ZNF804B: variants seen among roughly 807,000 people sequenced by gnomAD.
ZNF804B encodes the protein zinc finger 804B.
In ZNF804B, 80 loss-of-function variants were observed where a neutral mutation model predicts 101.4. That is an observed-to-expected ratio of 0.79 (90% CI 0.66 to 0.95). ZNF804B has a LOEUF of 0.95. ZNF804B is among the 40% of genes least tolerant of loss of function. The probability of loss-of-function intolerance (pLI) is 0.00; values close to 1 mark genes in which losing one functional copy is unlikely to be tolerated. For synonymous variants in ZNF804B, 622 were observed against 558.8 expected, an observed-to-expected ratio of 1.11 and a Z score of -1.59; for missense variants, 1,673 against 1,561.9, an observed-to-expected ratio of 1.07 and a Z score of -1.20.
rs139369278 is a variant in ZNF804B at position 89,152,812 on chromosome 7, C to T, written c.109-65343C>T. ...TGCAAATTGACATCTTTGTGCATAA[C>T]CTGCGCATATGCTGGGCTGATGTTC... On this transcript the variant is annotated intron_variant, in intron 1 of 3. Transcript: ENST00000333190. 2.6e-3 allele frequency among the ~76,000 whole-genome samples: 399 copies of T among 152,062 alleles called. 2 individuals carry two copies. The highest frequency in any genetic ancestry group is 9.2e-3 in the African/African-American group (380 of 41,492).
intron 1 of ZNF804B, among the ~76,000 whole-genome samples, chr7:88,768,588 C>A (rs71572429): frequency 3.3e-5 from 5 of 151,980 alleles, no homozygotes; most frequent in Admixed American, 3.3e-4. Context: ...CATGGTGGCA[C>A]GAGCCTGTAA....
chr7:89,048,203 AACAC>A (rs140428820), intron 1 of ZNF804B, among the ~76,000 whole-genome samples: 7 of 149,804 alleles, frequency 4.7e-5, no homozygotes, highest in South Asian at 4.2e-4. Flanking sequence ...GATGTTCACA[AACAC>A]ACACACACAC....
At position 89,020,903 on chromosome 7, in the gene ZNF804B, G is replaced by A. The variant is rs145191335; in HGVS notation, c.109-197252G>A. Among the ~76,000 whole-genome samples the A allele has an allele frequency of 5.3e-4, 80 of 151,848 alleles. 1 individual carries two copies. In the East Asian group the frequency reaches 0.011, roughly 21 times the overall value. ...TTCATTTAATTATCTATATTATATC[G>A]CACTGAATTTCCTTAAGATTATTAT... On this transcript the variant is annotated intron_variant, in intron 1 of 3. Transcript: ENST00000333190.
chr7:89,184,765 G>C (rs958855520), intron 1 of ZNF804B, among the ~76,000 whole-genome samples: 1 of 152,090 alleles, frequency 6.6e-6, no homozygotes, highest in African/African-American at 2.4e-5. Context: ...CAACCCACAA[G>C]TTATGTATGA....
intron 1 of ZNF804B, among the ~76,000 whole-genome samples, chr7:89,211,397 T>C (rs1478311040): frequency 6.6e-6 from 1 of 152,210 alleles, no homozygotes; most frequent in African/African-American, 2.4e-5. Context: ...TTTTTGCTTT[T>C]GTTGCAATTG....
chr7:89,092,386 A>ACAT (rs1195789531), intron 1 of ZNF804B, among the ~76,000 whole-genome samples: 1 of 144,922 alleles, frequency 6.9e-6, no homozygotes, highest in Admixed American at 7.1e-5. Flanking sequence ...TTTTACTCTA[A>ACAT]CATTGATTTC....
intron 2 of ZNF804B, among the ~76,000 whole-genome samples, chr7:89,229,630 C>T (rs910019392): frequency 1.3e-5 from 2 of 152,242 alleles, no homozygotes; most frequent in Admixed American, 6.5e-5. Context: ...GATACCAATA[C>T]CTGTTTGTCA....
chr7:89,061,258 G>T (rs1267840175), intron 1 of ZNF804B, among the ~76,000 whole-genome samples: 1 of 151,980 alleles, frequency 6.6e-6, no homozygotes, highest in Non-Finnish European at 1.5e-5. Context: ...ATGTAAATAT[G>T]TGTCTTTCAA....
chr7:88,996,873 C>T (rs1788208726), intron 1 of ZNF804B, among the ~76,000 whole-genome samples: 1 of 152,030 alleles, frequency 6.6e-6, no homozygotes, highest in Non-Finnish European at 1.5e-5. Flanking sequence ...TGAAGCCCTA[C>T]CTACCAGGAC....
intron 1 of ZNF804B, among the ~76,000 whole-genome samples, chr7:89,141,892 T>TATA (rs67661420): frequency 2.2e-4 from 32 of 148,026 alleles, no homozygotes; most frequent in South Asian, 1.3e-3. Context: ...AGAAAAAATA[T>TATA]ATAATAATAA....
chr7:89,267,794 T>C (rs1375653920), intron 2 of ZNF804B, among the ~76,000 whole-genome samples: 1 of 152,142 alleles, frequency 6.6e-6, no homozygotes, highest in African/African-American at 2.4e-5. Context: ...TATATTTGTT[T>C]CTTAACATAG....
At chr7:89,286,104 C>G (rs1310037069) in intron 2 of ZNF804B, among the ~76,000 whole-genome samples, 1 of 152,168 alleles carries the variant, frequency 6.6e-6, no homozygotes, top group Non-Finnish European at 1.5e-5. Flanking sequence ...AAAAATGCCC[C>G]TGGCTTCCCA....
chr7:88,799,716 A>G (rs1586908179), intron 1 of ZNF804B, among the ~76,000 whole-genome samples: 2 of 152,112 alleles, frequency 1.3e-5, no homozygotes, highest in Non-Finnish European at 2.9e-5. Flanking sequence ...TCCAGATTTC[A>G]GGAGCTTAGA....
intron 1 of ZNF804B, among the ~76,000 whole-genome samples, chr7:88,975,548 T>C (rs1426495883): frequency 3.3e-5 from 5 of 151,542 alleles, no homozygotes; most frequent in Non-Finnish European, 5.9e-5. Flanking sequence ...CACTGAGATA[T>C]ACCTGTTTGC....
chr7:88,871,584 G>C (rs1341635343), intron 1 of ZNF804B, among the ~76,000 whole-genome samples: 2 of 151,974 alleles, frequency 1.3e-5, no homozygotes, highest in African/African-American at 4.8e-5. Flanking sequence ...ATATTATAAA[G>C]AAACAAACAT....
At chr7:88,826,896 A>G (rs1050271349) in intron 1 of ZNF804B, among the ~76,000 whole-genome samples, 1 of 152,120 alleles carries the variant, frequency 6.6e-6, no homozygotes, top group Non-Finnish European at 1.5e-5. Flanking sequence ...TAATTTTCTA[A>G]CAGAAAGGAA....
intron 1 of ZNF804B, among the ~76,000 whole-genome samples, chr7:89,105,809 C>T (rs1412924155): frequency 6.6e-6 from 1 of 152,166 alleles, no homozygotes; most frequent in East Asian, 1.9e-4. Flanking sequence ...CCCAGCCAGA[C>T]CTCTGAAACT....
intron 1 of ZNF804B, among the ~76,000 whole-genome samples, chr7:89,200,776 C>T (rs548762117): frequency 1.3e-5 from 2 of 152,054 alleles, no homozygotes; most frequent in East Asian, 1.9e-4. Context: ...TTTACAGCAC[C>T]GCAACCCTGA....
At chr7:89,076,817 G>A (rs972784703) in intron 1 of ZNF804B, among the ~76,000 whole-genome samples, 11 of 152,272 alleles carry the variant, frequency 7.2e-5, no homozygotes, top group Middle Eastern at 3.4e-3. Context: ...AGTATTAGTG[G>A]GTGGACATAC....
Sources: allele counts gnomAD v4.1 joint callset (sites outside exome capture counted in the v4.1 genomes callset), GRCh38; gene constraint gnomAD v4.1.1; transcripts MANE v1.5; gene names NCBI Gene and HGNC (gene_info 2026-07-23, HGNC 2026-07-21).